Variants in SEMA3C observed in about 807,000 individuals in gnomAD.
SEMA3C encodes semaphorin-3C.
In SEMA3C, 47 loss-of-function variants were observed where a neutral mutation model predicts 89.4. The ratio of observed to expected loss-of-function variants is 0.53; its 90% CI spans 0.42 to 0.67. SEMA3C has a LOEUF of 0.67. Ranked by LOEUF, SEMA3C falls within the 30% of genes least tolerant of loss-of-function variation. The pLI, the probability that SEMA3C is intolerant of heterozygous loss-of-function variation, is 0.00. For missense variants in SEMA3C, 839 were observed against 929.1 expected, an observed-to-expected ratio of 0.90 and a Z score of 1.26; for synonymous variants, 310 against 320.2, an observed-to-expected ratio of 0.97 and a Z score of 0.34.
chr7:80,851,379 C>T (rs1181921923), intron 2 of SEMA3C, among the ~76,000 whole-genome samples: 1 of 151,692 alleles, frequency 6.6e-6, no homozygotes, highest in Non-Finnish European at 1.5e-5. Flanking sequence ...GGGCAGGCAC[C>T]TATAATCCCA....
chr7:80,769,866 A>C (rs1183262668), intron 12 of SEMA3C, among the ~76,000 whole-genome samples: 41 of 115,464 alleles, frequency 3.6e-4, no homozygotes, highest in South Asian at 5.0e-4. Context: ...CCCCCCCCCA[A>C]AAAAAAAAAA....
intron 2 of SEMA3C, among the ~76,000 whole-genome samples, chr7:80,889,149 C>T (rs1032702527): frequency 3.9e-5 from 6 of 152,224 alleles, no homozygotes; most frequent in African/African-American, 1.4e-4. Context: ...AGGCGTAAGC[C>T]ACCACGCTCG....
chr7:80,746,433 TAAAG>T (rs66609939), intron 17 of SEMA3C, among the ~76,000 whole-genome samples: 58,885 of 151,570 alleles, frequency 0.39, 11,879 homozygotes, highest in Non-Finnish European at 0.46. Context: ...ATTCAGAAAT[TAAAG>T]AAAGAAGAAA....
At chr7:80,919,073 C>G, upstream of SEMA3C, 1 of 984,488 alleles carries the variant, frequency 1.0e-6, no homozygotes, top group Non-Finnish European at 1.2e-6. Context: ...GGCCGGAGGC[C>G]GGGGGCGAGC....
chr7:80,781,360 T>C (rs540348317), intron 12 of SEMA3C, among the ~76,000 whole-genome samples: 1 of 152,336 alleles, frequency 6.6e-6, no homozygotes, highest in Non-Finnish European at 1.5e-5. Flanking sequence ...AGAATAAGAA[T>C]GCAACTCATT....
At chr7:80,817,731 G>C (rs1789642551) in intron 5 of SEMA3C, among the ~76,000 whole-genome samples, 3 of 151,980 alleles carry the variant, frequency 2.0e-5, no homozygotes, top group African/African-American at 7.3e-5. Flanking sequence ...GGATGATGTT[G>C]GTCTAAGATA....
chr7:80,793,941 T>G (rs1789002654), intron 11 of SEMA3C, among the ~76,000 whole-genome samples: 1 of 151,848 alleles, frequency 6.6e-6, no homozygotes, highest in African/African-American at 2.4e-5. Context: ...TTATTTCTAG[T>G]ACTGGTCTAT....
intron 14 of SEMA3C, among the ~76,000 whole-genome samples, chr7:80,760,188 C>T (rs752409140): frequency 5.9e-5 from 9 of 152,148 alleles, no homozygotes; most frequent in African/African-American, 9.7e-5. Flanking sequence ...AAATAATTAT[C>T]CTTGCCTTGA....
At chr7:80,802,967 T>C (rs1383642137) in intron 8 of SEMA3C, among the ~76,000 whole-genome samples, 188 bp from the exon 9 acceptor site, 3 of 152,206 alleles carry the variant, frequency 2.0e-5, no homozygotes, top group Non-Finnish European at 2.9e-5. Flanking sequence ...AGTTATACTA[T>C]TATTCTCTTA....
chr7:80,798,010 C>CA lies in SEMA3C; in HGVS notation c.1131+81dup, dbSNP rs376362185. ...GAGACTCCGTCTCAAAAAAAAACCCCAAAAAACCCCACAGATATTCATTAC... is the reference window on the plus strand; with the variant it reads ...GAGACTCCGTCTCAAAAAAAAACCCCAAAAAAACCCCACAGATATTCATTAC... On this transcript the variant is annotated intron_variant, in intron 11 of 17. Transcript: ENST00000265361. The CA allele has an allele frequency of 1.5e-5, 22 of 1,429,004 alleles. No individual in the cohort carries two copies. The African/African-American group carries it at 2.3e-4, about 15-fold the overall frequency. 88.5% of individuals were successfully genotyped at this position (1,429,004 alleles called of 1,614,324 possible). A position where few individuals can be genotyped will look rare whatever the true frequency, so the allele number is the denominator to read the frequency against.
chr7:80,775,019 T>G (rs1336058288), intron 12 of SEMA3C, among the ~76,000 whole-genome samples: 1 of 151,982 alleles, frequency 6.6e-6, no homozygotes, highest in Admixed American at 6.6e-5. Flanking sequence ...GGTAAGTTTT[T>G]ATGAGAAACA....
At chr7:80,841,232 G>C (rs1167941359) in intron 2 of SEMA3C, among the ~76,000 whole-genome samples, 1 of 152,140 alleles carries the variant, frequency 6.6e-6, no homozygotes, top group Non-Finnish European at 1.5e-5. Context: ...AAGAGTTCTT[G>C]AGAGCAAGAT....
intron 1 of SEMA3C, 98 bp from the exon 2 acceptor site, chr7:80,916,917 C>A (rs1168074723): frequency 2.1e-6 from 2 of 960,654 alleles, no homozygotes; most frequent in East Asian, 2.7e-5. Flanking sequence ...CACAAAAGAA[C>A]CATCTGAACT....
intron 2 of SEMA3C, among the ~76,000 whole-genome samples, chr7:80,892,407 G>A (rs1040301133): frequency 4.6e-5 from 7 of 151,756 alleles, no homozygotes; most frequent in South Asian, 2.1e-4. Context: ...TGATATTTTC[G>A]TCCTTTTGTA....
chr7:80,821,162 T>G (rs1272955668), intron 4 of SEMA3C, among the ~76,000 whole-genome samples: 1 of 152,210 alleles, frequency 6.6e-6, no homozygotes, highest in African/African-American at 2.4e-5. Flanking sequence ...TCTAGAAAGT[T>G]TGATTTTTAC....
intron 2 of SEMA3C, among the ~76,000 whole-genome samples, chr7:80,873,684 C>T (rs568783630): frequency 2.6e-5 from 4 of 152,242 alleles, no homozygotes; most frequent in Admixed American, 6.5e-5. Context: ...ACAAACTTGT[C>T]GTATGCATCA....
chr7:80,876,880 C>T (rs1170525362), intron 2 of SEMA3C, among the ~76,000 whole-genome samples: 1 of 152,126 alleles, frequency 6.6e-6, no homozygotes, highest in Non-Finnish European at 1.5e-5. Flanking sequence ...TCTCCCAAAC[C>T]TCTCCTTTCT....
chr7:80,829,662 C>T (rs1789964852), intron 2 of SEMA3C, among the ~76,000 whole-genome samples: 1 of 152,032 alleles, frequency 6.6e-6, no homozygotes, highest in Non-Finnish European at 1.5e-5. Flanking sequence ...TTTCCAGGAT[C>T]CTCAGAGGTT....
Position 80,749,032 on chromosome 7 carries a change from GC to G in SEMA3C, c.1712-5del. ...ATTTCAGCTGCATTTCTGTATGCTA[GC>G]AGGCAAAAATAAAAGGCGAGAGAGA... On this transcript the variant is annotated splice_region_variant and splice_polypyrimidine_tract_variant and intron_variant, in intron 16 of 17. Coordinates refer to ENST00000265361, the MANE Select transcript of SEMA3C (RefSeq NM_006379.5). 6.3e-7 allele frequency: 1 copy of G among 1,592,994 alleles called. No homozygotes were observed.
Sources: allele counts gnomAD v4.1 joint callset (sites outside exome capture counted in the v4.1 genomes callset), GRCh38; gene constraint gnomAD v4.1.1; transcripts MANE v1.5; gene names NCBI Gene and HGNC (gene_info 2026-07-23, HGNC 2026-07-21).